UBQLN1: variants seen among roughly 807,000 people sequenced by gnomAD.
The protein encoded by UBQLN1 is ubiquilin-1.
Under a neutral mutation model 65.4 loss-of-function variants are expected in UBQLN1, and 13 were observed. That is an observed-to-expected ratio of 0.20 (90% confidence interval 0.13 to 0.32). The LOEUF (loss-of-function observed/expected upper bound fraction) is 0.32. Ranked by LOEUF, UBQLN1 falls within the 10% of genes least tolerant of loss-of-function variation. The pLI is 1.00. For synonymous variants in UBQLN1, 267 were observed against 247.8 expected (o/e 1.08, Z -0.73); for missense variants, 561 against 724.0 (o/e 0.77, Z 2.58).
In UBQLN1 at chr9:83,704,506, G is replaced by A. The variant is rs553251368; in HGVS notation, c.180+2994C>T. Among the ~76,000 whole-genome samples the A allele has an allele frequency of 4.2e-4, 61 of 145,868 alleles. 1 individual carries two copies. The Middle Eastern group carries it at 0.011, about 26-fold the overall frequency. ...ACTACCATCAGAAAAGGCTACTTCA[G>A]AAAGACTTTAATTTTATCTATTAAC... On this transcript the variant is annotated intron_variant, in intron 1 of 10. Coordinates refer to ENST00000376395, the MANE Select transcript of UBQLN1 (RefSeq NM_013438.5).
intron 8 of UBQLN1, chr9:83,665,484 C>T (rs1006923304): frequency 3.1e-5 from 6 of 194,228 alleles, no homozygotes; most frequent in Admixed American, 6.0e-5. Flanking sequence ...ACAATTCTTA[C>T]GACGTGGATA....
chr9:83,679,589 T>C (rs1261363241), intron 4 of UBQLN1, among the ~76,000 whole-genome samples, 186 bp downstream of exon 4: 1 of 152,232 alleles, frequency 6.6e-6, no homozygotes, highest in Non-Finnish European at 1.5e-5. Context: ...CAAAGATCCT[T>C]CAATTTAACA....
intron 1 of UBQLN1, among the ~76,000 whole-genome samples, chr9:83,688,952 A>T (rs1051279811): frequency 6.6e-6 from 1 of 152,242 alleles, no homozygotes; most frequent in Non-Finnish European, 1.5e-5. Flanking sequence ...GACATAACTC[A>T]TACCACGTAA....
chr9:83,694,386 A>AT (rs11404740), intron 1 of UBQLN1, among the ~76,000 whole-genome samples: 106,998 of 152,048 alleles, frequency 0.7, 38,513 homozygotes, highest in East Asian at 0.88. Context: ...ATTTGAAAAA[A>AT]GTCCATAAAT....
chr9:83,691,807 G>T (rs1410402816), intron 1 of UBQLN1, among the ~76,000 whole-genome samples: 2 of 152,188 alleles, frequency 1.3e-5, no homozygotes, highest in Non-Finnish European at 2.9e-5. Context: ...TTCTGGAGGG[G>T]TATCTTAGTC....
chr9:83,691,783 C>T (rs1366878202), intron 1 of UBQLN1, among the ~76,000 whole-genome samples: 1 of 152,212 alleles, frequency 6.6e-6, no homozygotes, highest in Non-Finnish European at 1.5e-5. Flanking sequence ...CCTCCAACCT[C>T]ATGGAACTCT....
In UBQLN1 at chr9:83,678,589, A is replaced by C; in HGVS notation, c.722T>G (p.Leu241Arg). The C allele has an allele frequency of 6.3e-7, 1 of 1,594,910 alleles. No homozygotes were observed. ...NPDIMRQTLELARNPAMMQEM... is the reference protein window; with the variant it reads ...NPDIMRQTLERARNPAMMQEM... ...CTGCATCATTGCTGGATTCCTGGCA[A>C]GTTCCAACGTCTACGAAAAATATTT... The change falls in exon 5 of 11, where the codon CTT becomes CGT. Residue 241 changes from leucine to arginine, a missense_variant. Physicochemically the swap from Leu to Arg is moderately radical, Grantham distance 102. Coordinates refer to ENST00000376395, the MANE Select transcript of UBQLN1 (RefSeq NM_013438.5).
chr9:83,705,246 C>CTTTTTTTTTTTTTTTTTTT lies in UBQLN1; in HGVS notation c.180+2253_180+2254insAAAAAAAAAAAAAAAAAAA, dbSNP rs57550660. 4.6e-5 allele frequency among the ~76,000 whole-genome samples: 6 copies of CTTTTTTTTTTTTTTTTTTT among 129,454 alleles called. 1 individual carries two copies. The highest frequency in any genetic ancestry group is 6.4e-5 in the Non-Finnish European group (4 of 62,928). The allele number at this position is 129,454 out of a possible 152,430, so 84.9% of individuals were successfully genotyped here. A position where few individuals can be genotyped will look rare whatever the true frequency, so the allele number is the denominator to read the frequency against. ...ATATGTGCTGCTGAAGCCAGCACTC[C>CTTTTTTTTTTTTTTTTTTT]TTTTTTTTTTTGAAACGGAGTTTCA... On this transcript the variant is annotated intron_variant, in intron 1 of 10. Coordinates refer to ENST00000376395, the MANE Select transcript of UBQLN1 (RefSeq NM_013438.5).
At chr9:83,667,400 C>G (rs763484239) in intron 7 of UBQLN1, 1 of 650,420 alleles carries the variant, frequency 1.5e-6, no homozygotes, top group East Asian at 1.4e-4. Flanking sequence ...AGAAGTTAAC[C>G]GTATTTAAGA....
At chr9:83,706,031 A>T (rs1012713539) in intron 1 of UBQLN1, among the ~76,000 whole-genome samples, 1 of 152,198 alleles carries the variant, frequency 6.6e-6, no homozygotes, top group Admixed American at 6.5e-5. Context: ...ATAATGTTCT[A>T]TATCTTGATA....
intron 1 of UBQLN1, among the ~76,000 whole-genome samples, chr9:83,686,569 C>T (rs11140213): frequency 0.2 from 29,738 of 152,076 alleles, 3,144 homozygotes; most frequent in African/African-American, 0.25. Context: ...CAATGCATTG[C>T]TTCCCAATAT....
Position 83,663,943 on chromosome 9 carries a change from T to C in UBQLN1, c.1549A>G (p.Thr517Ala), listed in dbSNP as rs144266055. The change falls in exon 10 of 11, where the codon ACC (threonine) becomes GCC (alanine). Residue 517 changes from threonine to alanine, a missense_variant. Physicochemically the swap from Thr to Ala is moderately conservative, Grantham distance 58. Coordinates refer to ENST00000376395, the MANE Select transcript of UBQLN1 (RefSeq NM_013438.5). ...PSENTSPTAG[T>A]TEPGHQQFIQ... is the part of the protein sequence containing the mutation. ...AACTGCTGATGTCCAGGTTCAGTGG[T>C]TCCTGCTGTGGGACTTGTGTTTTCA... 1.0e-4 allele frequency: 169 copies of C among 1,614,186 alleles called. No homozygotes were observed. In the African/African-American group the frequency reaches 2.0e-3, roughly 19 times the overall value.
At chr9:83,705,603 C>T (rs1252278906) in intron 1 of UBQLN1, among the ~76,000 whole-genome samples, 1 of 152,138 alleles carries the variant, frequency 6.6e-6, no homozygotes, top group Non-Finnish European at 1.5e-5. Flanking sequence ...GCCCTATGAC[C>T]TACTCAAACC....
rs1000001557 is a variant in UBQLN1, at chr9:83,707,140, G to C, written c.180+360C>G. 1.2e-4 allele frequency among the ~76,000 whole-genome samples: 18 copies of C among 152,268 alleles called. No homozygotes were observed. The East Asian group carries it at 3.5e-3, about 29-fold the overall frequency. On this transcript the variant is annotated intron_variant, in intron 1 of 10. Coordinates refer to ENST00000376395, the MANE Select transcript of UBQLN1 (RefSeq NM_013438.5). ...TAAAGCGAACCCTCGCCCCCGCCCA[G>C]CCTCCACCCCGCCCGGAGGCTGGCG...
intron 6 of UBQLN1, among the ~76,000 whole-genome samples, chr9:83,672,940 T>C (rs1177514104): frequency 1.3e-5 from 2 of 152,232 alleles, no homozygotes; most frequent in Non-Finnish European, 2.9e-5. Flanking sequence ...AAATTGCTTT[T>C]ATGTTTCAAG....
intron 4 of UBQLN1, among the ~76,000 whole-genome samples, chr9:83,679,395 T>A (rs962000496): frequency 6.6e-6 from 1 of 152,232 alleles, no homozygotes; most frequent in African/African-American, 2.4e-5. Flanking sequence ...GCTTTAAAGT[T>A]GTTGCAATTT....
intron 1 of UBQLN1, among the ~76,000 whole-genome samples, chr9:83,698,580 T>C (rs1213903814): frequency 3.3e-5 from 5 of 152,194 alleles, no homozygotes; most frequent in African/African-American, 1.2e-4. Context: ...ATTTTTAAAA[T>C]GTGGTACATA....
intron 6 of UBQLN1, among the ~76,000 whole-genome samples, chr9:83,675,929 A>AT (rs1831824539): frequency 7.3e-6 from 1 of 137,752 alleles, no homozygotes. Context: ...AAATATTACC[A>AT]ATTTTTTTAT....
In UBQLN1 at chr9:83,707,877, G is replaced by T; in HGVS notation, c.-198C>A. ...GGTGCAGGCTCTGGCGCAGGCCCGG[G>T]TCAGGCGCTCGGCAGCCGCCGTGTG... On this transcript the variant is annotated 5_prime_UTR_variant, in exon 1 of 11. Transcript: ENST00000376395. 1 of 734,218 alleles carries T rather than the reference G, an allele frequency of 1.4e-6. No homozygotes were observed. Among genetic ancestry groups the T allele is most frequent in the Non-Finnish European group, 2.0e-6 (1 of 493,936 alleles). The allele number at this position is 734,218 out of a possible 1,614,324, so 45.5% of individuals were successfully genotyped here. A position where few individuals can be genotyped will look rare whatever the true frequency, so the allele number is the denominator to read the frequency against.
Sources: gnomAD v4.1 joint callset for allele counts (sites outside exome capture counted in the v4.1 genomes callset) on GRCh38, gnomAD v4.1.1 for gene constraint, MANE v1.5 for transcripts, NCBI Gene and HGNC (gene_info 2026-07-23, HGNC 2026-07-21) for gene names.